Variants in MCCC2 observed in about 807,000 individuals in gnomAD.
MCCC2 encodes methylcrotonoyl-CoA carboxylase beta chain, mitochondrial.
In MCCC2, 52 loss-of-function variants were observed where a neutral mutation model predicts 77.2. That is an observed-to-expected ratio of 0.67 (90% confidence interval 0.54 to 0.85). MCCC2 has a LOEUF of 0.85. MCCC2 is among the 40% of genes least tolerant of loss of function. The pLI is 0.00. For synonymous variants in MCCC2, 253 were observed against 248.4 expected, an observed-to-expected ratio of 1.02 and a Z score of -0.18; for missense variants, 682 against 703.2, an observed-to-expected ratio of 0.97 and a Z score of 0.34.
chr5:71,647,304 A>T (rs538798897), intron 13 of MCCC2, among the ~76,000 whole-genome samples: 61 of 152,318 alleles, frequency 4.0e-4, no homozygotes, highest in Non-Finnish European at 8.7e-4. Context: ...CTGGTGCTAA[A>T]GCATCTTCAT....
chr5:71,599,246 T>G (rs1027156447), intron 3 of MCCC2, among the ~76,000 whole-genome samples: 1 of 152,090 alleles, frequency 6.6e-6, no homozygotes, highest in African/African-American at 2.4e-5. Flanking sequence ...GGCGCATGCC[T>G]GTAATCCCAG....
chr5:71,656,543 T>C lies in MCCC2; in HGVS notation c.1575-200T>C, dbSNP rs534547523. Among the ~76,000 whole-genome samples, 12 of 152,348 alleles carry C rather than the reference T, an allele frequency of 7.9e-5. No individual in the cohort carries two copies. The South Asian group carries it at 2.5e-3, about 32-fold the overall frequency. ...CATGACATTCTGTGGTGGCCTGGGA[T>C]GAAGGTCATATCATTTTTTTCCACG... is the stretch of plus-strand genomic sequence containing the variant. On this transcript the variant is annotated intron_variant, in intron 16 of 16. Coordinates refer to ENST00000340941, the MANE Select transcript of MCCC2 (RefSeq NM_022132.5).
intron 13 of MCCC2, among the ~76,000 whole-genome samples, chr5:71,648,734 C>T (rs1428463252): frequency 6.6e-6 from 1 of 152,142 alleles, no homozygotes; most frequent in Admixed American, 6.5e-5. Flanking sequence ...AGGCTGGTCT[C>T]AAACACCTGG....
chr5:71,651,104 T>A (rs1349069635), intron 15 of MCCC2, among the ~76,000 whole-genome samples: 2 of 152,210 alleles, frequency 1.3e-5, no homozygotes, highest in Non-Finnish European at 2.9e-5. Flanking sequence ...AAACTGACAG[T>A]AAGTATCTGA....
chr5:71,614,209 A>G (rs1182892631), intron 6 of MCCC2, among the ~76,000 whole-genome samples: 1 of 152,048 alleles, frequency 6.6e-6, no homozygotes, highest in Non-Finnish European at 1.5e-5. Flanking sequence ...TCCTGAATAT[A>G]TGAGCCTAAA....
intron 6 of MCCC2, among the ~76,000 whole-genome samples, chr5:71,624,955 A>C (rs1746489743): frequency 6.6e-6 from 1 of 151,712 alleles, no homozygotes; most frequent in Admixed American, 6.6e-5. Flanking sequence ...CCACCTCCCA[A>C]AGTGCTGGGA....
chr5:71,620,165 A>G (rs561855923), intron 6 of MCCC2, among the ~76,000 whole-genome samples: 1 of 152,330 alleles, frequency 6.6e-6, no homozygotes, highest in Admixed American at 6.5e-5. Flanking sequence ...TCCAGTTGGC[A>G]TAGGTAAGCA....
At chr5:71,601,281 CTT>C (rs1466656987) in intron 4 of MCCC2, among the ~76,000 whole-genome samples, 3 of 152,018 alleles carry the variant, frequency 2.0e-5, no homozygotes, top group Non-Finnish European at 4.4e-5. Flanking sequence ...TTCAGTCTAA[CTT>C]TGTCTGACTT....
At chr5:71,594,523 G>A (rs1389634653) in intron 2 of MCCC2, among the ~76,000 whole-genome samples, 5 of 82,848 alleles carry the variant, frequency 6.0e-5, no homozygotes, top group South Asian at 1.1e-3. Flanking sequence ...GCGAAATTCC[G>A]TCTCAAAAAA....
intron 6 of MCCC2, among the ~76,000 whole-genome samples, chr5:71,607,713 T>C (rs1043766893): frequency 4.0e-5 from 6 of 150,008 alleles, no homozygotes; most frequent in Non-Finnish European, 8.9e-5. Flanking sequence ...TGTGGGCATT[T>C]AGTGCTATAA....
At chr5:71,649,441 A>G (rs1027170949) in intron 14 of MCCC2, among the ~76,000 whole-genome samples, 188 bp downstream of exon 14, 3 of 152,244 alleles carry the variant, frequency 2.0e-5, no homozygotes, top group African/African-American at 7.2e-5. Flanking sequence ...GAAGAAATCT[A>G]CAATGGGAGT....
chr5:71,588,382 C>T (rs1038668206), intron 1 of MCCC2, among the ~76,000 whole-genome samples: 10 of 152,074 alleles, frequency 6.6e-5, no homozygotes, highest in East Asian at 5.8e-4. Context: ...TCAAAACTTG[C>T]GAAATATCAG....
intron 11 of MCCC2, 193 bp from the exon 12 acceptor site, chr5:71,643,626 G>C (rs1476142461): frequency 5.9e-6 from 6 of 1,011,998 alleles, no homozygotes; most frequent in Non-Finnish European, 7.1e-6. Flanking sequence ...CTTTCTAGAA[G>C]CAAAAGAAAC....
intron 16 of MCCC2, among the ~76,000 whole-genome samples, chr5:71,655,793 T>C (rs1020968986): frequency 1.3e-5 from 2 of 152,352 alleles, no homozygotes; most frequent in African/African-American, 4.8e-5. Flanking sequence ...CATTTGAGGT[T>C]GTCAATGAGA....
At chr5:71,613,134 A>G (rs1470480896) in intron 6 of MCCC2, among the ~76,000 whole-genome samples, 1 of 152,246 alleles carries the variant, frequency 6.6e-6, no homozygotes, top group East Asian at 1.9e-4. Context: ...GGGACCACCC[A>G]GGTAATCCAC....
intron 6 of MCCC2, among the ~76,000 whole-genome samples, chr5:71,611,268 T>C (rs1745931948): frequency 6.6e-6 from 1 of 152,080 alleles, no homozygotes; most frequent in African/African-American, 2.4e-5. Flanking sequence ...GAGTGTGGTG[T>C]GGCACATGCC....
intron 4 of MCCC2, among the ~76,000 whole-genome samples, chr5:71,601,833 G>T (rs1745448086): frequency 6.6e-6 from 1 of 152,164 alleles, no homozygotes. Context: ...AACCAGCTGT[G>T]GTTGTTGGCC....
chr5:71,601,604 C>G (rs1358901147), intron 4 of MCCC2, among the ~76,000 whole-genome samples: 1 of 152,178 alleles, frequency 6.6e-6, no homozygotes, highest in Non-Finnish European at 1.5e-5. Flanking sequence ...GTATGAGAAG[C>G]TCAACACTAC....
At chr5:71,609,188 A>G (rs1319494909) in intron 6 of MCCC2, among the ~76,000 whole-genome samples, 1 of 151,294 alleles carries the variant, frequency 6.6e-6, no homozygotes, top group Non-Finnish European at 1.5e-5. Flanking sequence ...CATTCTCCCC[A>G]TCACTTTCAG....
Sources: allele counts gnomAD v4.1 joint callset (sites outside exome capture counted in the v4.1 genomes callset), GRCh38; gene constraint gnomAD v4.1.1; transcripts MANE v1.5; gene names NCBI Gene and HGNC (gene_info 2026-07-23, HGNC 2026-07-21).